The following HDGF variants were observed in gnomAD, a reference collection of about 807,000 sequenced individuals.
The protein encoded by HDGF is heparin binding growth factor.
A neutral mutation model predicts 30.0 loss-of-function variants in HDGF; 5 were observed. The observed-to-expected ratio is 0.17, with a 90% CI of 0.09 to 0.35. HDGF has a LOEUF of 0.35. HDGF is among the 10% of genes least tolerant of loss of function. HDGF has a pLI of 1.00. For missense variants in HDGF, 214 were observed against 302.8 expected (o/e 0.71, Z 2.18); for synonymous variants, 133 against 112.7 (o/e 1.18, Z -1.14).
chr1:156,752,095 C>G, upstream of HDGF: 2 of 1,551,624 alleles, frequency 1.3e-6, no homozygotes, highest in Non-Finnish European at 1.7e-6. Context: ...CGCCTGCCCT[C>G]TGCTCCATCT....
upstream of HDGF, chr1:156,752,044 G>A: frequency 6.4e-7 from 1 of 1,551,234 alleles, no homozygotes; most frequent in Admixed American, 2.0e-5. Context: ...TCACCACCGC[G>A]GCCCCAGCGC....
At position 156,751,086 on chromosome 1, in the gene HDGF, G is replaced by A. The variant is rs1451755162; in HGVS notation, c.87+257C>T. ...CGGAGCTGGGGGCCGGGAAGTGACCGGCGCCCTCGGATCCCCACGCCGTGA... is the reference window on the plus strand; with the variant it reads ...CGGAGCTGGGGGCCGGGAAGTGACCAGCGCCCTCGGATCCCCACGCCGTGA... On this transcript the variant is annotated intron_variant, in intron 1 of 5. Transcript: ENST00000357325. This position sits in a 1 kb window ranked among gnomAD's most constrained non-coding sequence, Gnocchi z 4.7. Among the ~76,000 whole-genome samples, 2 of 152,088 alleles carry A rather than the reference G, an allele frequency of 1.3e-5. No individual in the cohort carries two copies. Among genetic ancestry groups the A allele is most frequent in the Non-Finnish European group, 2.9e-5 (2 of 67,996 alleles).
At chr1:156,752,214 C>G, upstream of HDGF, 1 of 1,551,794 alleles carries the variant, frequency 6.4e-7, no homozygotes, top group South Asian at 1.2e-5. Context: ...CCTCTCTGGA[C>G]CTCGCCGTGC....
intron 1 of HDGF, among the ~76,000 whole-genome samples, chr1:156,765,095 CTTT>C (rs869251878): frequency 7.1e-6 from 1 of 140,084 alleles, no homozygotes; most frequent in Admixed American, 7.2e-5. Flanking sequence ...CCCCCCCGCC[CTTT>C]TTTTTTTTTT....
upstream of HDGF, among the ~76,000 whole-genome samples, chr1:156,755,942 A>G (rs1651147790): frequency 6.6e-6 from 1 of 152,190 alleles, no homozygotes; most frequent in Non-Finnish European, 1.5e-5. Flanking sequence ...TTATGATTGA[A>G]TGAATGAATG....
At chr1:156,746,309 T>C (rs879852683) in intron 1 of HDGF, among the ~76,000 whole-genome samples, 2 of 152,214 alleles carry the variant, frequency 1.3e-5, no homozygotes, top group Non-Finnish European at 2.9e-5. Context: ...TAGCATACAG[T>C]AGGTATATAA....
intron 1 of HDGF, among the ~76,000 whole-genome samples, chr1:156,748,111 C>G (rs12042468): frequency 0.22 from 33,151 of 152,056 alleles, 3,755 homozygotes; most frequent in South Asian, 0.31. Flanking sequence ...GCATCTCCCC[C>G]CAAAGCATCA....
rs1005001875 is a variant in HDGF at position 156,743,398 on chromosome 1, A to T, written c.*51T>A. 1 of 1,508,476 alleles carries T rather than the reference A, an allele frequency of 6.6e-7. No homozygotes were observed. The highest frequency in any genetic ancestry group is 2.3e-5 in the Admixed American group (1 of 42,764). The allele number at this position is 1,508,476 out of a possible 1,614,324, so 93.4% of individuals were successfully genotyped here. A position where few individuals can be genotyped will look rare whatever the true frequency, so the allele number is the denominator to read the frequency against. ...GGCCATGGCCAGTTTCCCCAGTAGC[A>T]CCCAGACAGCAGCAGGAACAGGGTG... On this transcript the variant is annotated 3_prime_UTR_variant, in exon 6 of 6. Coordinates refer to ENST00000357325, the MANE Select transcript of HDGF (RefSeq NM_004494.3).
intron 1 of HDGF, among the ~76,000 whole-genome samples, chr1:156,759,645 C>T (rs1452583456): frequency 2.0e-5 from 3 of 152,154 alleles, no homozygotes; most frequent in Non-Finnish European, 4.4e-5. Context: ...CCATGCCCGG[C>T]TCATTTTTGT....
chr1:156,751,575 G>T lies in HDGF; in HGVS notation c.-146C>A, dbSNP rs1650980646. On this transcript the variant is annotated 5_prime_UTR_variant, in exon 1 of 6. Coordinates refer to ENST00000357325, the MANE Select transcript of HDGF (RefSeq NM_004494.3). The surrounding 1 kb of genome is among the most constrained non-coding windows in gnomAD (Gnocchi z 4.7). Reference sequence around the variant, plus strand: ...GGCCCCCGGCCCGAGCTCCGGCGCGGCCACGGCGTCTCCGCCCGCGCGCCG... The same window carrying T: ...GGCCCCCGGCCCGAGCTCCGGCGCGTCCACGGCGTCTCCGCCCGCGCGCCG... The T allele has an allele frequency of 1.0e-6, 1 of 985,828 alleles. No homozygotes were observed. Among genetic ancestry groups the T allele is most frequent in the Admixed American group, 6.2e-5 (1 of 16,062 alleles). The allele number at this position is 985,828 out of a possible 1,614,324, so 61.1% of individuals were successfully genotyped here.
intron 2 of HDGF, among the ~76,000 whole-genome samples, chr1:156,758,790 C>T (rs1394731237): frequency 6.6e-6 from 1 of 151,990 alleles, no homozygotes; most frequent in Non-Finnish European, 1.5e-5. Context: ...ACAACAACAA[C>T]AAAAATGCCT....
In HDGF at chr1:156,744,261, C is replaced by T; in HGVS notation, c.391G>A (p.Gly131Ser). ...AGCTTCCCTTCCTCGTCGCTGCTGC[C>T]CTCTGCATTCCCCTTCTTATCACCG... ...GDGDKKGNAE[G>S]SSDEEGKLVI... Residue 131 changes from glycine (G) to serine (S), a missense_variant, in exon 4 of 6, where the codon GGC (glycine) becomes AGC (serine). This residue lies in a region of HDGF where 176 missense variants were observed against 211.7 expected (regional missense o/e 0.83). Coordinates refer to ENST00000357325, the MANE Select transcript of HDGF (RefSeq NM_004494.3). The T allele has an allele frequency of 1.2e-6, 2 of 1,614,142 alleles. No individual in the cohort carries two copies. Among genetic ancestry groups the T allele is most frequent in the Non-Finnish European group, 1.7e-6 (2 of 1,180,018 alleles).
chr1:156,745,064 T>G lies in HDGF; in HGVS notation c.247A>C (p.Ser83Arg). Residue 83 changes from serine to arginine, a missense_variant, in exon 3 of 6, where the codon AGC (serine) becomes CGC (arginine). Physicochemically the swap from Ser to Arg is moderately radical, Grantham distance 110. Transcript: ENST00000357325. The part of the protein sequence containing the change: ...FGKPNKRKGF[S>R]EGLWEIENNP... The stretch of plus-strand genomic sequence containing the variant: ...TTCTCGATCTCCCACAGCCCCTCGC[T>G]GAACCCTTTCCTCTTGTTGGGCTTG... The G allele has an allele frequency of 6.2e-7, 1 of 1,614,102 alleles. No homozygotes were observed. The highest frequency in any genetic ancestry group is 8.5e-7 in the Non-Finnish European group (1 of 1,180,032).
intron 1 of HDGF, among the ~76,000 whole-genome samples, chr1:156,765,095 CTT>C (rs869251878): frequency 7.9e-5 from 11 of 140,050 alleles, no homozygotes; most frequent in Non-Finnish European, 1.2e-4. Flanking sequence ...CCCCCCCGCC[CTT>C]TTTTTTTTTT....
chr1:156,745,053 C>G lies in HDGF; in HGVS notation c.258G>C (p.Leu86=). 6.2e-7 allele frequency: 1 copy of G among 1,614,136 alleles called. No individual in the cohort carries two copies. The highest frequency in any genetic ancestry group is 2.2e-5 in the East Asian group (1 of 44,832). Reference sequence around the variant, plus strand: ...CAGTAGGGTTGTTCTCGATCTCCCACAGCCCCTCGCTGAACCCTTTCCTCT... The same window carrying G: ...CAGTAGGGTTGTTCTCGATCTCCCAGAGCCCCTCGCTGAACCCTTTCCTCT... The part of the protein sequence containing the change: ...PNKRKGFSEG[L]WEIENNPTVK... The change falls in exon 3 of 6, where the codon CTG becomes CTC. Residue 86 remains leucine, a synonymous_variant. Transcript: ENST00000357325.
At chr1:156,745,461 T>A in intron 1 of HDGF, 88 bp from the exon 2 acceptor site, 1 of 1,133,606 alleles carries the variant, frequency 8.8e-7, no homozygotes, top group Non-Finnish European at 1.3e-6. Flanking sequence ...CACATTTATA[T>A]AAAATCAGAC....
chr1:156,743,609 TCCC>T, intron 5 of HDGF, 40 bp downstream of exon 5: 1 of 1,556,472 alleles, frequency 6.4e-7, no homozygotes, highest in Non-Finnish European at 8.9e-7. Context: ...GAGTGGCCGG[TCCC>T]CCCTAGTCCA....
At chr1:156,750,817 G>GA (rs762773871) in intron 1 of HDGF, 2 of 152,394 alleles carry the variant, frequency 1.3e-5, no homozygotes, top group Admixed American at 1.3e-4. Context: ...AAGTTTCCTA[G>GA]AAGCGAACTC....
At chr1:156,759,334 ATTCT>A (rs1038756006) in intron 1 of HDGF, 3 of 152,106 alleles carry the variant, frequency 2.0e-5, no homozygotes, top group African/African-American at 7.2e-5. Flanking sequence ...TTCCAGTAAC[ATTCT>A]TTCTAATTTT....
Sources: gnomAD v4.1 joint callset for allele counts (sites outside exome capture counted in the v4.1 genomes callset) on GRCh38, gnomAD v4.1.1 for gene constraint, gnomAD v4.1.1 regional missense constraint, Gnocchi (gnomAD v3.1) non-coding constraint, MANE v1.5 for transcripts, NCBI Gene and HGNC (gene_info 2026-07-23, HGNC 2026-07-21) for gene names.